The following CACNG3 variants were observed in gnomAD, a reference collection of about 807,000 sequenced individuals.
CACNG3 encodes voltage-dependent calcium channel gamma-3 subunit.
CACNG3 carries 3 observed loss-of-function variants against 28.5 expected under a neutral mutation model. The ratio of observed to expected loss-of-function variants is 0.11; its 90% confidence interval spans 0.05 to 0.27. CACNG3 has a LOEUF of 0.27. Among genes scored for constraint, CACNG3 ranks in the 10% least tolerant of loss-of-function variants. The probability of loss-of-function intolerance (pLI) is 1.00; values close to 1 mark genes in which losing one functional copy is unlikely to be tolerated. For missense variants in CACNG3, 236 were observed against 414.4 expected, an observed-to-expected ratio of 0.57 and a Z score of 3.74; for synonymous variants, 174 against 162.2, an observed-to-expected ratio of 1.07 and a Z score of -0.55.
intron 1 of CACNG3, among the ~76,000 whole-genome samples, chr16:24,283,622 G>T (rs1340008751): frequency 6.6e-6 from 1 of 152,146 alleles, no homozygotes; most frequent in Non-Finnish European, 1.5e-5. Flanking sequence ...CATAACATCT[G>T]CAAATAATAG....
intron 1 of CACNG3, among the ~76,000 whole-genome samples, chr16:24,257,371 GAGA>G (rs1567427536): frequency 0.012 from 105 of 8,796 alleles, 3 homozygotes; most frequent in Non-Finnish European, 0.024. Context: ...TGAGGGGGGA[GAGA>G]GAGAGAGAGA....
chr16:24,327,351 A>T (rs1289216676), intron 1 of CACNG3, among the ~76,000 whole-genome samples: 1 of 149,284 alleles, frequency 6.7e-6, no homozygotes, highest in African/African-American at 2.5e-5. Flanking sequence ...TTGAGCCCTC[A>T]CTTCGAACTC....
At chr16:24,277,417 C>T (rs1045718261) in intron 1 of CACNG3, among the ~76,000 whole-genome samples, 15 of 152,090 alleles carry the variant, frequency 9.9e-5, no homozygotes, top group Admixed American at 6.6e-4. Flanking sequence ...CGCAGGACAG[C>T]CCCTACAACA....
chr16:24,274,339 A>G (rs1194772768), intron 1 of CACNG3, among the ~76,000 whole-genome samples: 1 of 152,136 alleles, frequency 6.6e-6, no homozygotes, highest in Admixed American at 6.6e-5. Flanking sequence ...GGGGATTGTC[A>G]TTATACCTAC....
At chr16:24,310,794 G>A (rs1024565522) in intron 1 of CACNG3, among the ~76,000 whole-genome samples, 4 of 152,114 alleles carry the variant, frequency 2.6e-5, no homozygotes, top group African/African-American at 9.7e-5. Context: ...TGGATAGTCT[G>A]CCTCTAGAGT....
Position 24,256,554 on chromosome 16 carries a change from G to A in CACNG3, c.-201G>A. On this transcript the variant is annotated 5_prime_UTR_variant, in exon 1 of 4. Transcript: ENST00000005284. This position sits in a 1 kb window ranked among gnomAD's most constrained non-coding sequence, Gnocchi z 4.6. ...CCCCCCGGAGCCTGCACCCTTCCGA[G>A]GGCCATAGGCGACCCAGGGAACTGG... The A allele has an allele frequency of 1.7e-6, 1 of 584,530 alleles. No homozygotes were observed. Among genetic ancestry groups the A allele is most frequent in the East Asian group, 2.9e-5 (1 of 35,032 alleles). 36.2% of individuals were successfully genotyped at this position (584,530 alleles called of 1,614,324 possible).
chr16:24,256,745 A>G lies in CACNG3; in HGVS notation c.-10A>G. 6.3e-7 allele frequency: 1 copy of G among 1,595,306 alleles called. No homozygotes were observed. The highest frequency in any genetic ancestry group is 8.6e-7 in the Non-Finnish European group (1 of 1,162,954). On this transcript the variant is annotated 5_prime_UTR_variant, in exon 1 of 4. The change abolishes an upstream ATG in the 5' untranslated region. Coordinates refer to ENST00000005284, the MANE Select transcript of CACNG3 (RefSeq NM_006539.4). The surrounding 1 kb of genome is among the most constrained non-coding windows in gnomAD (Gnocchi z 4.6). The stretch of plus-strand genomic sequence containing the variant: ...CCAACCCCCAGCCGTCCAGAGTACC[A>G]TGAAGAATTATGAGGATGTGTGACA...
intron 1 of CACNG3, among the ~76,000 whole-genome samples, chr16:24,298,949 C>G (rs1239540622): frequency 6.6e-6 from 1 of 152,208 alleles, no homozygotes; most frequent in East Asian, 1.9e-4. Context: ...CACATCAAAT[C>G]AAGGACATGC....
intron 1 of CACNG3, among the ~76,000 whole-genome samples, chr16:24,327,442 A>G (rs62029059): frequency 0.68 from 72,446 of 106,122 alleles, 25,354 homozygotes; most frequent in Middle Eastern, 0.8. Context: ...GTGTGTGTAT[A>G]TATATATATA....
At chr16:24,300,330 G>A (rs1003223573) in intron 1 of CACNG3, among the ~76,000 whole-genome samples, 1 of 152,206 alleles carries the variant, frequency 6.6e-6, no homozygotes, top group African/African-American at 2.4e-5. Context: ...TGTCTACAGA[G>A]GCCAGGCAGG....
chr16:24,297,107 T>C (rs140021976), intron 1 of CACNG3, among the ~76,000 whole-genome samples: 339 of 152,042 alleles, frequency 2.2e-3, no homozygotes, highest in Non-Finnish European at 3.0e-3. Context: ...AAACAAAAAT[T>C]AGCTGGGCAA....
At chr16:24,287,599 G>C (rs928863539) in intron 1 of CACNG3, among the ~76,000 whole-genome samples, 4 of 150,418 alleles carry the variant, frequency 2.7e-5, no homozygotes, top group Non-Finnish European at 5.9e-5. Flanking sequence ...AAACCAACTT[G>C]TTAAACCTTC....
chr16:24,361,504 G>A lies in CACNG3; in HGVS notation c.589G>A (p.Val197Met), dbSNP rs771940327. ...IIAEIVGVVA[V>M]HIYIEKHQQL... ...CGCAGAAATTGTAGGAGTGGTTGCC[G>A]TGCACATCTATATTGAAAAACATCA... Residue 197 changes from valine (V) to methionine (M), a missense_variant, in exon 4 of 4, where the codon GTG (valine) becomes ATG (methionine). Around this residue, in one of 2 missense-constraint regions of CACNG3, gnomAD observed 120 missense variants for 263.4 expected, o/e 0.46. Coordinates refer to ENST00000005284, the MANE Select transcript of CACNG3 (RefSeq NM_006539.4). This position sits in a 1 kb window ranked among gnomAD's most constrained non-coding sequence, Gnocchi z 6.8. 12 of 1,613,860 alleles carry A rather than the reference G, an allele frequency of 7.4e-6. No homozygotes were observed. The highest frequency in any genetic ancestry group is 2.2e-5 in the East Asian group (1 of 44,890).
rs374395697 is a variant in CACNG3, at chr16:24,312,920, GAAGAAAGA to G, written c.212-33785_212-33778del. Among the ~76,000 whole-genome samples, 1,161 of 122,104 alleles carry G rather than the reference GAAGAAAGA, an allele frequency of 9.5e-3. 9 individuals are homozygous for G. The highest frequency in any genetic ancestry group is 0.012 in the Non-Finnish European group (702 of 60,660). 80.1% of individuals were successfully genotyped at this position (122,104 alleles called of 152,430 possible). A position where few individuals can be genotyped will look rare whatever the true frequency, so the allele number is the denominator to read the frequency against. Reference sequence around the variant, plus strand: ...GGAAAGAAAGAAGGAAGGAAGGAAGGAAGAAAGAAAGAAAGAAAGAAAGAAAGAAAGAA... The same window carrying G: ...GGAAAGAAAGAAGGAAGGAAGGAAGGAAGAAAGAAAGAAAGAAAGAAAGAA... On this transcript the variant is annotated intron_variant, in intron 1 of 3. Transcript: ENST00000005284.
At chr16:24,283,323 G>A (rs1482191446) in intron 1 of CACNG3, among the ~76,000 whole-genome samples, 5 of 152,206 alleles carry the variant, frequency 3.3e-5, no homozygotes, top group Non-Finnish European at 5.9e-5. Context: ...TTGAGACTTC[G>A]CATTTAACAA....
At chr16:24,286,251 G>C (rs1484458392) in intron 1 of CACNG3, among the ~76,000 whole-genome samples, 3 of 151,960 alleles carry the variant, frequency 2.0e-5, no homozygotes, top group Non-Finnish European at 2.9e-5. Flanking sequence ...TTATATACTA[G>C]TGCTTTTATT....
At chr16:24,314,771 CA>C (rs1596639287) in intron 1 of CACNG3, among the ~76,000 whole-genome samples, 37 of 150,090 alleles carry the variant, frequency 2.5e-4, no homozygotes, top group South Asian at 1.1e-3. Flanking sequence ...CCTCCTCCTC[CA>C]ACCTCCACCT....
chr16:24,300,986 T>A (rs1237215631), intron 1 of CACNG3, among the ~76,000 whole-genome samples: 1 of 147,104 alleles, frequency 6.8e-6, no homozygotes, highest in Non-Finnish European at 1.5e-5. Flanking sequence ...GAGGTTGCAG[T>A]GAGCCGAGAT....
chr16:24,265,586 G>T (rs1455611731), intron 1 of CACNG3, among the ~76,000 whole-genome samples: 3 of 152,088 alleles, frequency 2.0e-5, no homozygotes, highest in Non-Finnish European at 4.4e-5. Flanking sequence ...ATCTCTCAGG[G>T]TTTGACAAAC....
Sources: allele counts gnomAD v4.1 joint callset (sites outside exome capture counted in the v4.1 genomes callset), GRCh38; gene constraint gnomAD v4.1.1; regional missense constraint gnomAD v4.1.1; non-coding constraint Gnocchi (gnomAD v3.1); transcripts MANE v1.5; gene names NCBI Gene and HGNC (gene_info 2026-07-23, HGNC 2026-07-21).